Variants in ARHGAP17 observed in about 807,000 individuals in gnomAD.
The protein encoded by ARHGAP17 is Rho GTPase activating protein 17.
Under a neutral mutation model 99.5 loss-of-function variants are expected in ARHGAP17, and 57 were observed. That is an observed-to-expected ratio of 0.57 (90% CI 0.46 to 0.71). The LOEUF is 0.71. Among genes scored for constraint, ARHGAP17 ranks in the 30% least tolerant of loss-of-function variants. The probability of loss-of-function intolerance (pLI) is 0.00; values close to 1 mark genes in which losing one functional copy is unlikely to be tolerated. For synonymous variants in ARHGAP17, 417 were observed against 429.6 expected, an observed-to-expected ratio of 0.97 and a Z score of 0.36; for missense variants, 1,000 against 1,122.4, an observed-to-expected ratio of 0.89 and a Z score of 1.56.
At chr16:24,942,423 A>G (rs1454410507) in intron 15 of ARHGAP17, among the ~76,000 whole-genome samples, 1 of 152,222 alleles carries the variant, frequency 6.6e-6, no homozygotes, top group Non-Finnish European at 1.5e-5. Context: ...AAACAAATCT[A>G]GAATGTAGAA....
chr16:24,962,571 G>T (rs80071754), intron 7 of ARHGAP17, among the ~76,000 whole-genome samples: 2,441 of 152,210 alleles, frequency 0.016, 62 homozygotes, highest in African/African-American at 0.055. Context: ...AATGGACCTG[G>T]ACTGGTAATA....
At chr16:24,939,737 A>G in intron 16 of ARHGAP17, 140 bp from the exon 17 acceptor site, 1 of 836,654 alleles carries the variant, frequency 1.2e-6, no homozygotes, top group South Asian at 1.5e-5. Flanking sequence ...CAAGGACCAG[A>G]CTAATGGCCA....
intron 19 of ARHGAP17, among the ~76,000 whole-genome samples, chr16:24,925,994 C>T (rs933787816): frequency 6.6e-6 from 1 of 151,408 alleles, no homozygotes. Flanking sequence ...CCTGTAGTCC[C>T]AGCTACTCGG....
intron 1 of ARHGAP17, among the ~76,000 whole-genome samples, chr16:24,997,903 A>G (rs991999352): frequency 6.6e-6 from 1 of 152,214 alleles, no homozygotes; most frequent in African/African-American, 2.4e-5. Context: ...ATGGTTCTGA[A>G]GCACAGAAAA....
intron 18 of ARHGAP17, among the ~76,000 whole-genome samples, chr16:24,934,145 A>G (rs897993043): frequency 6.6e-6 from 1 of 152,120 alleles, no homozygotes; most frequent in African/African-American, 2.4e-5. Context: ...ATAGACAGAC[A>G]CAGTGAATTT....
At chr16:24,992,078 T>G (rs541717969) in intron 1 of ARHGAP17, among the ~76,000 whole-genome samples, 1 of 151,952 alleles carries the variant, frequency 6.6e-6, no homozygotes, top group Admixed American at 6.6e-5. Flanking sequence ...GTGTACATAG[T>G]AGGGTACAGA....
intron 12 of ARHGAP17, among the ~76,000 whole-genome samples, chr16:24,950,510 G>A (rs1469339652): frequency 2.0e-5 from 3 of 152,086 alleles, no homozygotes; most frequent in Non-Finnish European, 4.4e-5. Context: ...CATCTACCAG[G>A]GACAAAGTCT....
chr16:24,974,389 A>G (rs529866142), intron 3 of ARHGAP17, among the ~76,000 whole-genome samples: 3 of 152,294 alleles, frequency 2.0e-5, no homozygotes, highest in Non-Finnish European at 2.9e-5. Context: ...GGGATCAACC[A>G]CTGCGCTCCA....
intron 14 of ARHGAP17, 92 bp from the exon 15 acceptor site, chr16:24,943,954 G>A: frequency 1.7e-6 from 2 of 1,173,378 alleles, no homozygotes; most frequent in Non-Finnish European, 2.5e-6. Context: ...ATTTTTAAAG[G>A]ATAAAATATT....
rs762158130 is a variant in ARHGAP17, at chr16:24,947,550, C to G, written c.1173G>C (p.Val391=). Residue 391 remains valine (V), a synonymous_variant, in exon 14 of 20, where the codon GTG becomes GTC. Transcript: ENST00000289968. ...FLAKLAQTSD[V]NKMTPSNIAI... is the part of the protein sequence containing the mutation. ...CAATGTTGCTGGGAGTCATTTTATTCACATCGCTGGTCTGAGCAAGCTTTG... is the reference window on the plus strand; with the variant it reads ...CAATGTTGCTGGGAGTCATTTTATTGACATCGCTGGTCTGAGCAAGCTTTG... 1.2e-6 allele frequency: 2 copies of G among 1,613,422 alleles called. No homozygotes were observed. The highest frequency in any genetic ancestry group is 1.7e-6 in the Non-Finnish European group (2 of 1,180,000).
chr16:24,999,137 G>C (rs2053286921), intron 1 of ARHGAP17, among the ~76,000 whole-genome samples: 1 of 152,204 alleles, frequency 6.6e-6, no homozygotes, highest in African/African-American at 2.4e-5. Flanking sequence ...TGGAAGCTTT[G>C]CATTTCTTCA....
chr16:24,977,424 T>C lies in ARHGAP17; in HGVS notation c.94-105A>G. On this transcript the variant is annotated intron_variant, in intron 2 of 19. Transcript: ENST00000289968. ...TGAATCTACATGCAGGGAAAAGGGA[T>C]GATCTTGGCTACACCTTGCTATCAC... 5 of 899,568 alleles carry C rather than the reference T, an allele frequency of 5.6e-6. No individual in the cohort carries two copies. The South Asian group carries it at 8.4e-5, about 15-fold the overall frequency. 55.7% of individuals were successfully genotyped at this position (899,568 alleles called of 1,614,324 possible).
chr16:24,980,569 G>C (rs916679993), intron 1 of ARHGAP17, among the ~76,000 whole-genome samples: 1 of 152,158 alleles, frequency 6.6e-6, no homozygotes, highest in Non-Finnish European at 1.5e-5. Flanking sequence ...CAAGGTGCCA[G>C]GCATTGCTGA....
intron 1 of ARHGAP17, among the ~76,000 whole-genome samples, chr16:25,012,535 T>C (rs1226629907): frequency 6.6e-6 from 1 of 152,194 alleles, no homozygotes; most frequent in African/African-American, 2.4e-5. Flanking sequence ...CTTTGTAGCC[T>C]TCATCTTGAC....
At chr16:24,972,925 T>C (rs2052409108) in intron 3 of ARHGAP17, among the ~76,000 whole-genome samples, 1 of 144,640 alleles carries the variant, frequency 6.9e-6, no homozygotes, top group South Asian at 2.2e-4. Flanking sequence ...CAGCTTTCTA[T>C]CATCAGGGAT....
intron 1 of ARHGAP17, among the ~76,000 whole-genome samples, chr16:24,987,974 T>C (rs943367140): frequency 6.6e-6 from 1 of 152,194 alleles, no homozygotes; most frequent in Non-Finnish European, 1.5e-5. Flanking sequence ...GTATTCACAG[T>C]GAAATTACAG....
Position 24,952,960 on chromosome 16 carries a change from T to C in ARHGAP17, c.935A>G (p.Glu312Gly). The C allele has an allele frequency of 1.9e-6, 3 of 1,614,228 alleles. No individual in the cohort carries two copies. Among genetic ancestry groups the C allele is most frequent in the Non-Finnish European group, 2.5e-6 (3 of 1,180,018 alleles). Residue 312 changes from glutamate to glycine, a missense_variant, in exon 11 of 20, where the codon GAG (glutamate) becomes GGG (glycine). Physicochemically the swap from Glu to Gly is moderately conservative, Grantham distance 98. Transcript: ENST00000289968. Reference protein sequence around the residue: ...ALDCSTSHLDEFYSDPHAVAG... With the variant: ...ALDCSTSHLDGFYSDPHAVAG... Reference sequence around the variant, plus strand: ...TACAGCATGGGGGTCTGAATAGAACTCATCCAGGTGAGAAGTAGAACAGTC... The same window carrying C: ...TACAGCATGGGGGTCTGAATAGAACCCATCCAGGTGAGAAGTAGAACAGTC...
chr16:24,980,247 G>A (rs1299654184), intron 1 of ARHGAP17, among the ~76,000 whole-genome samples: 3 of 152,024 alleles, frequency 2.0e-5, no homozygotes, highest in Admixed American at 6.6e-5. Context: ...GGAAAGAAGC[G>A]CACAGCTCCT....
At chr16:24,945,466 A>G (rs2051443355) in intron 14 of ARHGAP17, among the ~76,000 whole-genome samples, 1 of 152,156 alleles carries the variant, frequency 6.6e-6, no homozygotes, top group African/African-American at 2.4e-5. Context: ...CTTTCTGGCC[A>G]CCTACCAGGC....
Sources: gnomAD v4.1 joint callset for allele counts (sites outside exome capture counted in the v4.1 genomes callset) on GRCh38, gnomAD v4.1.1 for gene constraint, MANE v1.5 for transcripts, NCBI Gene and HGNC (gene_info 2026-07-23, HGNC 2026-07-21) for gene names.